The following TMC3 variants were observed in gnomAD, a reference collection of about 807,000 sequenced individuals.
The protein encoded by TMC3 is transmembrane channel-like protein 3.
A neutral mutation model predicts 110.6 loss-of-function variants in TMC3; 98 were observed. The observed-to-expected ratio is 0.89, with a 90% confidence interval of 0.75 to 1.05. The LOEUF (loss-of-function observed/expected upper bound fraction) is 1.05, where lower values mean the gene tolerates loss of function less well. Among genes scored for constraint, TMC3 ranks in the 50% least tolerant of loss-of-function variants. The probability of loss-of-function intolerance (pLI) is 0.00; values close to 1 mark genes in which losing one functional copy is unlikely to be tolerated. For synonymous variants in TMC3, 489 were observed against 513.1 expected, an observed-to-expected ratio of 0.95 and a Z score of 0.63; for missense variants, 1,319 against 1,373.2, an observed-to-expected ratio of 0.96 and a Z score of 0.62.
At chr15:81,354,993 A>G (rs1894028729) in intron 9 of TMC3, among the ~76,000 whole-genome samples, 1 of 152,138 alleles carries the variant, frequency 6.6e-6, no homozygotes, top group Non-Finnish European at 1.5e-5. Flanking sequence ...GGTTATCGAC[A>G]TTAATGACAG....
intron 10 of TMC3, among the ~76,000 whole-genome samples, 192 bp from the exon 11 acceptor site, chr15:81,349,759 C>CT (rs532576010): frequency 0.048 from 6,178 of 129,404 alleles, 414 homozygotes; most frequent in African/African-American, 0.14. Flanking sequence ...TTATCATGGT[C>CT]TTTTTTTTTT....
At chr15:81,339,697 A>G (rs1893672685) in intron 16 of TMC3, among the ~76,000 whole-genome samples, 193 bp from the exon 17 acceptor site, 1 of 152,202 alleles carries the variant, frequency 6.6e-6, no homozygotes, top group Non-Finnish European at 1.5e-5. Context: ...TCAGCGTTCA[A>G]AGGAACTTCA....
intron 1 of TMC3, among the ~76,000 whole-genome samples, chr15:81,373,381 C>A (rs1187100934): frequency 6.6e-6 from 1 of 152,168 alleles, no homozygotes; most frequent in Non-Finnish European, 1.5e-5. Context: ...ACATTTACTC[C>A]CAGTTACACT....
chr15:81,358,354 A>C, intron 6 of TMC3, 48 bp downstream of exon 6: 1 of 1,601,220 alleles, frequency 6.2e-7, no homozygotes, highest in South Asian at 1.1e-5. Flanking sequence ...ACTGTGGCCC[A>C]TTCACCCCTT....
At chr15:81,358,100 C>A in intron 7 of TMC3, 49 bp downstream of exon 7, 1 of 1,498,714 alleles carries the variant, frequency 6.7e-7, no homozygotes, top group Non-Finnish European at 8.9e-7. Flanking sequence ...ACTTCCATTA[C>A]ACATATCATA....
rs112168081 is a variant in TMC3, at chr15:81,359,478, A to G, written c.395-7T>C. On this transcript the variant is annotated splice_polypyrimidine_tract_variant and splice_region_variant and intron_variant, in intron 4 of 21. Transcript: ENST00000359440. ...ACGCCAGATCCAAAATGACCTAAAG[A>G]AAGACAAGATAATGAGAACAGTTTA... 3.2e-4 allele frequency: 492 copies of G among 1,549,138 alleles called. 4 individuals are homozygous for G. In the African/African-American group the frequency reaches 6.0e-3, roughly 19 times the overall value.
At position 81,372,754 on chromosome 15, in the gene TMC3, T is replaced by C. The variant is rs202010621; in HGVS notation, c.90-17A>G. On this transcript the variant is annotated splice_polypyrimidine_tract_variant and intron_variant, in intron 1 of 21. Transcript: ENST00000359440. ...TCCAAGTTGCTGAATGATCAGGGCA[T>C]TAAGGAGGAAATCTGATTAGAAGAA... 2 of 1,613,022 alleles carry C rather than the reference T, an allele frequency of 1.2e-6. No individual in the cohort carries two copies. Among genetic ancestry groups the C allele is most frequent in the African/African-American group, 2.7e-5 (2 of 75,034 alleles).
intron 7 of TMC3, among the ~76,000 whole-genome samples, chr15:81,356,907 C>T (rs996072117): frequency 2.2e-4 from 33 of 152,236 alleles, no homozygotes; most frequent in African/African-American, 7.5e-4. Flanking sequence ...CTGTTCTCAT[C>T]TCTTTGCAGC....
intron 9 of TMC3, among the ~76,000 whole-genome samples, chr15:81,353,157 TA>T (rs1482604535): frequency 6.6e-6 from 1 of 151,680 alleles, no homozygotes; most frequent in Admixed American, 6.6e-5. Flanking sequence ...TGTAAAAAGT[TA>T]AAAAAATTAA....
At chr15:81,337,100 G>GT (rs916007183) in intron 19 of TMC3, among the ~76,000 whole-genome samples, 3 of 151,666 alleles carry the variant, frequency 2.0e-5, no homozygotes, top group Non-Finnish European at 2.9e-5. Flanking sequence ...AGTGGAAGGA[G>GT]TTTTTTTGCA....
chr15:81,364,411 G>A (rs1596095213), intron 3 of TMC3, among the ~76,000 whole-genome samples: 1 of 152,096 alleles, frequency 6.6e-6, no homozygotes, highest in East Asian at 1.9e-4. Flanking sequence ...CACAGCAAAA[G>A]CCTTGAAACA....
At position 81,362,268 on chromosome 15, in the gene TMC3, A is replaced by C. The variant is rs1361440090; in HGVS notation, c.346T>G (p.Phe116Val). 6.2e-7 allele frequency: 1 copy of C among 1,612,820 alleles called. No homozygotes were observed. The highest frequency in any genetic ancestry group is 1.7e-5 in the Admixed American group (1 of 59,904). ...WRKFARLACN[F>V]VVIFIPWEMR... is the part of the protein sequence containing the mutation. ...TCCCAGGGAATGAAGATGACCACAAAGTTACAGGCGAGACGAGCAAATTTC... is the reference window on the plus strand; with the variant it reads ...TCCCAGGGAATGAAGATGACCACAACGTTACAGGCGAGACGAGCAAATTTC... Residue 116 changes from phenylalanine to valine, a missense_variant, in exon 4 of 22, where the codon TTT (phenylalanine) becomes GTT (valine). Coordinates refer to ENST00000359440, the MANE Select transcript of TMC3 (RefSeq NM_001080532.3).
intron 11 of TMC3, among the ~76,000 whole-genome samples, chr15:81,348,579 A>G (rs567673717): frequency 1.5e-4 from 23 of 152,290 alleles, no homozygotes; most frequent in African/African-American, 4.8e-4. Context: ...GTCTTCCTCA[A>G]CCACCTGCTG....
Position 81,334,861 on chromosome 15 carries a change from T to C in TMC3, c.2318A>G (p.His773Arg), listed in dbSNP as rs373734400. 4.2e-5 allele frequency: 68 copies of C among 1,613,920 alleles called. No individual in the cohort carries two copies. The African/African-American group carries it at 7.5e-4, about 18-fold the overall frequency. Residue 773 changes from histidine to arginine, a missense_variant, in exon 21 of 22, where the codon CAT becomes CGT. Coordinates refer to ENST00000359440, the MANE Select transcript of TMC3 (RefSeq NM_001080532.3). The stretch of plus-strand genomic sequence containing the variant: ...ACTCTTGCTGCTCCCTGAGTCAAAA[T>C]GGGCCACGTTGCCGTTGTTTTGGGG... ...GTPQNNGNVAHFDSGSSKSGR... is the reference protein window; with the variant it reads ...GTPQNNGNVARFDSGSSKSGR...
At chr15:81,358,048 C>T in intron 7 of TMC3, 101 bp downstream of exon 7, 2 of 1,327,180 alleles carry the variant, frequency 1.5e-6, no homozygotes, top group Admixed American at 3.0e-5. Context: ...AGAAATCAAG[C>T]AGTCATACTT....
intron 3 of TMC3, among the ~76,000 whole-genome samples, chr15:81,364,654 C>G (rs1894265520): frequency 7.2e-6 from 1 of 138,528 alleles, no homozygotes; most frequent in African/African-American, 2.8e-5. Flanking sequence ...GCACAATGTG[C>G]ACATGTACCC....
chr15:81,373,878 C>A, intron 1 of TMC3, 111 bp downstream of exon 1: 1 of 1,016,746 alleles, frequency 9.8e-7, no homozygotes, highest in Admixed American at 2.1e-5. Flanking sequence ...TGAGTTCATT[C>A]TGAAGGACAA....
intron 10 of TMC3, among the ~76,000 whole-genome samples, chr15:81,350,034 G>A (rs1269583029): frequency 6.7e-6 from 1 of 150,008 alleles, no homozygotes; most frequent in African/African-American, 2.5e-5. Flanking sequence ...ATTGCTTGAG[G>A]CCAGGTGTTT....
intron 16 of TMC3, among the ~76,000 whole-genome samples, chr15:81,340,847 A>G (rs900251604): frequency 2.0e-5 from 3 of 152,222 alleles, no homozygotes; most frequent in Non-Finnish European, 4.4e-5. Context: ...CGTCAACAGG[A>G]GCCAGGATAA....
Sources: allele counts gnomAD v4.1 joint callset (sites outside exome capture counted in the v4.1 genomes callset), GRCh38; gene constraint gnomAD v4.1.1; transcripts MANE v1.5; gene names NCBI Gene and HGNC (gene_info 2026-07-23, HGNC 2026-07-21).